CAMTA1: variants seen among roughly 807,000 people sequenced by gnomAD.
CAMTA1 encodes calmodulin binding transcription activator 1.
In CAMTA1, 27 loss-of-function variants were observed where a neutral mutation model predicts 170.9. That is an observed-to-expected ratio of 0.16 (90% CI 0.12 to 0.22). CAMTA1 has a LOEUF of 0.22. Among genes scored for constraint, CAMTA1 ranks in the 10% least tolerant of loss-of-function variants. CAMTA1 has a pLI of 1.00. For missense variants in CAMTA1, 1,619 were observed against 2,217.2 expected, an observed-to-expected ratio of 0.73 and a Z score of 5.42; for synonymous variants, 833 against 891.5, an observed-to-expected ratio of 0.93 and a Z score of 1.17.
intron 3 of CAMTA1, among the ~76,000 whole-genome samples, chr1:6,976,003 T>C (rs1278697774): frequency 1.3e-5 from 2 of 152,176 alleles, no homozygotes; most frequent in Non-Finnish European, 2.9e-5. Flanking sequence ...CGCTGCTGAG[T>C]GACACTCTGC....
chr1:6,953,183 G>C (rs571113142), intron 3 of CAMTA1, among the ~76,000 whole-genome samples: 2 of 152,304 alleles, frequency 1.3e-5, no homozygotes, highest in South Asian at 2.1e-4. Context: ...CTCCATATCA[G>C]TGTTGCAGCT....
chr1:6,806,904 C>T (rs893952660), intron 1 of CAMTA1: 2 of 415,840 alleles, frequency 4.8e-6, no homozygotes, highest in African/African-American at 4.0e-5. Flanking sequence ...CCCGCAGGGG[C>T]CACGTGAACA....
chr1:7,458,761 A>G (rs2093017867), intron 5 of CAMTA1, among the ~76,000 whole-genome samples: 1 of 152,244 alleles, frequency 6.6e-6, no homozygotes, highest in Non-Finnish European at 1.5e-5. Flanking sequence ...GCAGGGCCAC[A>G]AGCTGCTTTG....
intron 7 of CAMTA1, among the ~76,000 whole-genome samples, chr1:7,643,600 C>T (rs547854457): frequency 3.3e-5 from 5 of 152,324 alleles, no homozygotes; most frequent in African/African-American, 1.2e-4. Context: ...GAAACCAGTC[C>T]GGAGCCAGCC....
intron 5 of CAMTA1, among the ~76,000 whole-genome samples, chr1:7,374,603 C>G (rs989053712): frequency 6.6e-6 from 1 of 152,222 alleles, no homozygotes; most frequent in Non-Finnish European, 1.5e-5. Flanking sequence ...CTAGAGATGC[C>G]ACACCTATTG....
At chr1:7,577,573 T>A (rs940303950) in intron 6 of CAMTA1, among the ~76,000 whole-genome samples, 2 of 151,860 alleles carry the variant, frequency 1.3e-5, no homozygotes, top group African/African-American at 2.4e-5. Flanking sequence ...TTTTTTTTTT[T>A]AAGCATTGAA....
At chr1:7,755,099 G>C (rs1028463402) in intron 21 of CAMTA1, among the ~76,000 whole-genome samples, 3 of 152,086 alleles carry the variant, frequency 2.0e-5, no homozygotes, top group African/African-American at 7.2e-5. Context: ...GCCGAGGCAG[G>C]CAGATCACTT....
At chr1:7,304,271 G>C (rs552489679) in intron 5 of CAMTA1, among the ~76,000 whole-genome samples, 21 of 152,340 alleles carry the variant, frequency 1.4e-4, no homozygotes, top group Middle Eastern at 6.8e-3. Flanking sequence ...CGAGATGGGA[G>C]TTGGTATTGG....
chr1:7,767,676 A>G lies in CAMTA1; in HGVS notation c.*1185A>G, dbSNP rs547238059. ...TGTACTGTTTGTATATATTGTATAT[A>G]TTAAAACAGAGATATGTGCATGAAA... is the stretch of plus-strand genomic sequence containing the variant. On this transcript the variant is annotated 3_prime_UTR_variant, in exon 23 of 23. Coordinates refer to ENST00000303635, the MANE Select transcript of CAMTA1 (RefSeq NM_015215.4). The G allele has an allele frequency of 2.0e-5, 3 of 151,570 alleles. No individual in the cohort carries two copies. The highest frequency in any genetic ancestry group is 4.5e-5 in the Non-Finnish European group (3 of 67,244). The allele number at this position is 151,570 out of a possible 1,614,324, so 9.4% of individuals were successfully genotyped here. A position where few individuals can be genotyped will look rare whatever the true frequency, so the allele number is the denominator to read the frequency against.
intron 6 of CAMTA1, among the ~76,000 whole-genome samples, chr1:7,544,208 C>T (rs1159147999): frequency 1.3e-5 from 2 of 152,000 alleles, no homozygotes. Flanking sequence ...ATGGCGGTGG[C>T]AAGAGAAAAA....
chr1:7,478,459 G>A (rs906336637), intron 6 of CAMTA1, among the ~76,000 whole-genome samples: 6 of 152,184 alleles, frequency 3.9e-5, no homozygotes, highest in Middle Eastern at 3.2e-3. Context: ...GCCTGCCGAC[G>A]CTCCTCTGTC....
intron 3 of CAMTA1, among the ~76,000 whole-genome samples, chr1:7,076,010 A>T (rs1006755613): frequency 8.5e-5 from 13 of 152,168 alleles, no homozygotes; most frequent in Admixed American, 3.9e-4. Context: ...GTCTTCGTAG[A>T]TCATAAGCTT....
At chr1:6,977,740 G>T (rs1389881414) in intron 3 of CAMTA1, among the ~76,000 whole-genome samples, 1 of 152,202 alleles carries the variant, frequency 6.6e-6, no homozygotes, top group East Asian at 1.9e-4. Context: ...GGAAACCAAG[G>T]TTTAGAGAGA....
At chr1:7,563,473 C>A (rs976263289) in intron 6 of CAMTA1, among the ~76,000 whole-genome samples, 13 of 152,214 alleles carry the variant, frequency 8.5e-5, no homozygotes, top group Non-Finnish European at 5.9e-5. Context: ...CCCACTCGGG[C>A]CCCACTAGAG....
intron 6 of CAMTA1, among the ~76,000 whole-genome samples, chr1:7,583,645 C>A (rs183938925): frequency 9.1e-4 from 139 of 152,284 alleles, no homozygotes; most frequent in South Asian, 1.9e-3. Context: ...TTATCCCTGA[C>A]ACTCTCTGCC....
chr1:6,841,758 T>C (rs908645512), intron 3 of CAMTA1, among the ~76,000 whole-genome samples: 4 of 151,988 alleles, frequency 2.6e-5, no homozygotes, highest in Admixed American at 6.5e-5. Flanking sequence ...GAACCTGGAG[T>C]GAAACCAAGA....
intron 6 of CAMTA1, among the ~76,000 whole-genome samples, chr1:7,579,560 T>C (rs373746637): frequency 9.9e-5 from 12 of 121,116 alleles, no homozygotes; most frequent in African/African-American, 5.1e-4. Context: ...TTCTTTTTTT[T>C]TTTTTTTTTT....
chr1:7,184,594 A>G (rs910587138), intron 4 of CAMTA1, among the ~76,000 whole-genome samples: 30 of 152,126 alleles, frequency 2.0e-4, no homozygotes, highest in African/African-American at 7.0e-4. Flanking sequence ...AAATATAGGA[A>G]AGGTGAGTTA....
chr1:7,355,837 G>A (rs1401748349), intron 5 of CAMTA1, among the ~76,000 whole-genome samples: 1 of 106 alleles, frequency 9.4e-3, no homozygotes, highest in Non-Finnish European at 0.021. Context: ...CTGGTTCTTG[G>A]CGTTGCACAT....
Sources: gnomAD v4.1 joint callset for allele counts (sites outside exome capture counted in the v4.1 genomes callset) on GRCh38, gnomAD v4.1.1 for gene constraint, MANE v1.5 for transcripts, NCBI Gene and HGNC (gene_info 2026-07-23, HGNC 2026-07-21) for gene names.